Variants in ZNF251 observed in about 807,000 individuals in gnomAD.
ZNF251 encodes the protein zinc finger protein 251.
In ZNF251, 14 loss-of-function variants were observed where a neutral mutation model predicts 13.5. The ratio of observed to expected loss-of-function variants is 1.04; its 90% CI spans 0.69 to 1.63. ZNF251 has a LOEUF of 1.63. Ranked by LOEUF, ZNF251 falls within the 40% of genes most tolerant of loss-of-function variation. The probability of loss-of-function intolerance (pLI) is 0.00; values close to 1 mark genes in which losing one functional copy is unlikely to be tolerated. For missense variants in ZNF251, 764 were observed against 834.9 expected (o/e 0.92, Z 1.05); for synonymous variants, 287 against 295.2 (o/e 0.97, Z 0.28).
chr8:144,750,864 T>C (rs562320267), intron 4 of ZNF251, among the ~76,000 whole-genome samples: 2 of 151,532 alleles, frequency 1.3e-5, no homozygotes, highest in Non-Finnish European at 2.9e-5. Context: ...TTTTTCTTTT[T>C]TTTTTTTTAG....
intron 4 of ZNF251, among the ~76,000 whole-genome samples, chr8:144,747,129 A>G (rs1243582145): frequency 1.3e-5 from 2 of 152,216 alleles, no homozygotes; most frequent in Non-Finnish European, 2.9e-5. Context: ...CACTGCATTC[A>G]CAGCATTCCA....
intron 1 of ZNF251, 187 bp downstream of exon 1, chr8:144,755,218 G>A: frequency 8.5e-7 from 1 of 1,171,866 alleles, no homozygotes; most frequent in Non-Finnish European, 1.1e-6. Context: ...GCCAGCTGTG[G>A]TCCTCAGTCC....
intron 4 of ZNF251, among the ~76,000 whole-genome samples, chr8:144,729,070 G>A (rs1305969522): frequency 2.3e-5 from 3 of 130,134 alleles, no homozygotes; most frequent in African/African-American, 2.9e-5. Flanking sequence ...CCTGGGCGAC[G>A]AGCAAGACTC....
intron 4 of ZNF251, among the ~76,000 whole-genome samples, chr8:144,747,985 C>CGT (rs1824508293): frequency 2.0e-5 from 3 of 152,220 alleles, no homozygotes; most frequent in Admixed American, 2.0e-4. Context: ...TCATAGCTCA[C>CGT]CGCAGCTTCA....
At chr8:144,753,507 G>C in intron 4 of ZNF251, 176 bp downstream of exon 4, 1 of 561,636 alleles carries the variant, frequency 1.8e-6, no homozygotes, top group Middle Eastern at 4.6e-4. Flanking sequence ...AGACCAGCAA[G>C]ATAAAACTTC....
chr8:144,722,974 C>T lies in ZNF251; in HGVS notation c.686G>A (p.Arg229Lys), dbSNP rs1823414906. The T allele has an allele frequency of 3.0e-5, 49 of 1,613,906 alleles. No homozygotes were observed. Among genetic ancestry groups the T allele is most frequent in the Non-Finnish European group, 3.9e-5 (46 of 1,179,786 alleles). ...GTACGGCTTCTCCCCAGTGTGACTTCTCTGGTGTCTACTTAGGTCTGAATT... is the reference window on the plus strand; with the variant it reads ...GTACGGCTTCTCCCCAGTGTGACTTTTCTGGTGTCTACTTAGGTCTGAATT... ...KYNSDLSRHQRSHTGEKPYEC... is the reference protein window; with the variant it reads ...KYNSDLSRHQKSHTGEKPYEC... The change falls in exon 5 of 5, where the codon AGA becomes AAA. Residue 229 changes from arginine to lysine, a missense_variant. Coordinates refer to ENST00000292562, the MANE Select transcript of ZNF251 (RefSeq NM_138367.2). The surrounding 1 kb of genome is among the most constrained non-coding windows in gnomAD (Gnocchi z 4.8).
chr8:144,739,667 G>A (rs980640847), intron 4 of ZNF251, among the ~76,000 whole-genome samples: 1 of 152,164 alleles, frequency 6.6e-6, no homozygotes, highest in African/African-American at 2.4e-5. Context: ...GGGAGGCCAA[G>A]GCAGGTAAAT....
chr8:144,750,070 C>T (rs561878184), intron 4 of ZNF251, among the ~76,000 whole-genome samples: 18 of 152,072 alleles, frequency 1.2e-4, no homozygotes, highest in African/African-American at 4.3e-4. Context: ...ATACTGTCTA[C>T]TTTTTCCCTT....
rs569940532 is a variant in ZNF251, at chr8:144,732,766, C to G, written c.278-9384G>C. On this transcript the variant is annotated intron_variant, in intron 4 of 4. Transcript: ENST00000292562. ...GGCGGAGCTTGCAGTGAGCCAAGAT[C>G]GCACCACTGCACTCCAGCCTGGGCG... is the stretch of plus-strand genomic sequence containing the variant. Among the ~76,000 whole-genome samples the G allele has an allele frequency of 6.6e-3, 962 of 146,782 alleles. 8 individuals carry two copies. The highest frequency in any genetic ancestry group is 0.021 in the African/African-American group (816 of 39,548).
Position 144,753,776 on chromosome 8 carries a change from C to T in ZNF251, c.184G>A (p.Glu62Lys), listed in dbSNP as rs1466382173. 1.3e-6 allele frequency: 2 copies of T among 1,586,482 alleles called. No individual in the cohort carries two copies. Among genetic ancestry groups the T allele is most frequent in the African/African-American group, 2.7e-5 (2 of 74,392 alleles). ...ASLGFPVPKP[E>K]LISQLEQGKE... is the part of the protein sequence containing the mutation. ...CCCTGCTCCAGCTGGGAGATCAACT[C>T]CGGCTTAGGGACAGGGAATCCTGTT... Residue 62 changes from glutamate to lysine, a missense_variant, in exon 4 of 5, where the codon GAG becomes AAG. Coordinates refer to ENST00000292562, the MANE Select transcript of ZNF251 (RefSeq NM_138367.2).
chr8:144,750,230 T>C (rs1307826329), intron 4 of ZNF251, among the ~76,000 whole-genome samples: 2 of 152,232 alleles, frequency 1.3e-5, no homozygotes. Flanking sequence ...AATTTTCTGT[T>C]GATAGGTAGA....
In ZNF251 at chr8:144,722,978, G is replaced by T; in HGVS notation, c.682C>A (p.Gln228Lys). Residue 228 changes from glutamine (Q) to lysine (K), a missense_variant, in exon 5 of 5, where the codon CAG becomes AAG. Gln to Lys is a moderately conservative substitution (Grantham distance 53, BLOSUM62 1). Transcript: ENST00000292562. The surrounding 1 kb of genome is among the most constrained non-coding windows in gnomAD (Gnocchi z 4.8). Reference sequence around the variant, plus strand: ...GGCTTCTCCCCAGTGTGACTTCTCTGGTGTCTACTTAGGTCTGAATTATAT... The same window carrying T: ...GGCTTCTCCCCAGTGTGACTTCTCTTGTGTCTACTTAGGTCTGAATTATAT... Reference protein sequence around the residue: ...FKYNSDLSRHQRSHTGEKPYE... With the variant: ...FKYNSDLSRHKRSHTGEKPYE... 1 of 1,613,816 alleles carries T rather than the reference G, an allele frequency of 6.2e-7. No individual in the cohort carries two copies. Among genetic ancestry groups the T allele is most frequent in the Non-Finnish European group, 8.5e-7 (1 of 1,179,776 alleles).
chr8:144,738,010 C>T (rs1193013895), intron 4 of ZNF251, among the ~76,000 whole-genome samples: 1 of 152,124 alleles, frequency 6.6e-6, no homozygotes, highest in African/African-American at 2.4e-5. Flanking sequence ...TTGACGGACA[C>T]ATTTATTTGG....
chr8:144,726,824 C>T (rs1042819686), intron 4 of ZNF251, among the ~76,000 whole-genome samples: 7 of 151,478 alleles, frequency 4.6e-5, no homozygotes, highest in South Asian at 2.1e-4. Context: ...GAGCCGAGAT[C>T]GCGCCACTGC....
At chr8:144,732,476 C>T (rs187852657) in intron 4 of ZNF251, among the ~76,000 whole-genome samples, 3 of 152,226 alleles carry the variant, frequency 2.0e-5, no homozygotes, top group South Asian at 2.1e-4. Flanking sequence ...AACCTATGCA[C>T]GATTGACAGG....
In ZNF251 at chr8:144,722,500, C is replaced by T. The variant is rs1249756199; in HGVS notation, c.1160G>A (p.Ser387Asn). Residue 387 changes from serine (S) to asparagine (N), a missense_variant, in exon 5 of 5, where the codon AGT becomes AAT. Physicochemically the swap from Ser to Asn is conservative, Grantham distance 46. Coordinates refer to ENST00000292562, the MANE Select transcript of ZNF251 (RefSeq NM_138367.2). This position sits in a 1 kb window ranked among gnomAD's most constrained non-coding sequence, Gnocchi z 4.8. ...ATGGAGGAAAAGGCTTGAGCTCTGA[C>T]TGAAGGCCTTCCCACACTGATTGCA... is the stretch of plus-strand genomic sequence containing the variant. ...HKCNQCGKAF[S>N]QSSSLFLHHR... 4.3e-6 allele frequency: 7 copies of T among 1,613,932 alleles called. No homozygotes were observed. The highest frequency in any genetic ancestry group is 3.3e-5 in the Admixed American group (2 of 59,996).
At chr8:144,733,529 A>C (rs1823784875) in intron 4 of ZNF251, among the ~76,000 whole-genome samples, 1 of 152,198 alleles carries the variant, frequency 6.6e-6, no homozygotes, top group South Asian at 2.1e-4. Flanking sequence ...CCACCGCTAC[A>C]ACCCCACCTA....
intron 4 of ZNF251, among the ~76,000 whole-genome samples, chr8:144,752,832 A>C (rs1004792644): frequency 6.6e-6 from 1 of 152,214 alleles, no homozygotes; most frequent in African/African-American, 2.4e-5. Flanking sequence ...AAACAATATA[A>C]CCAACAAAAA....
intron 4 of ZNF251, among the ~76,000 whole-genome samples, chr8:144,732,061 G>A (rs2129958054): frequency 6.6e-6 from 1 of 151,686 alleles, no homozygotes; most frequent in South Asian, 2.1e-4. Context: ...TCATGCCTCA[G>A]CCTCCGGAGT....
Sources: gnomAD v4.1 joint callset for allele counts (sites outside exome capture counted in the v4.1 genomes callset) on GRCh38, gnomAD v4.1.1 for gene constraint, Gnocchi (gnomAD v3.1) non-coding constraint, MANE v1.5 for transcripts, NCBI Gene and HGNC (gene_info 2026-07-23, HGNC 2026-07-21) for gene names.